Variants in WDR37 observed in about 807,000 individuals in gnomAD.
The protein encoded by WDR37 is WD repeat domain 37.
Under a neutral mutation model 62.9 loss-of-function variants are expected in WDR37, and 19 were observed. The ratio of observed to expected loss-of-function variants is 0.30; its 90% CI spans 0.21 to 0.44. WDR37 has a LOEUF of 0.44. WDR37 is among the 20% of genes least tolerant of loss of function. The pLI, the probability that WDR37 is intolerant of heterozygous loss-of-function variation, is 1.00. For synonymous variants in WDR37, 250 were observed against 260.9 expected, an observed-to-expected ratio of 0.96 and a Z score of 0.40; for missense variants, 474 against 657.6, an observed-to-expected ratio of 0.72 and a Z score of 3.05.
intron 13 of WDR37, among the ~76,000 whole-genome samples, chr10:1,125,407 G>A (rs1564514259): frequency 6.6e-6 from 1 of 152,074 alleles, no homozygotes; most frequent in African/African-American, 2.4e-5. Context: ...TAGTCAGGCT[G>A]GTTAGTTAGT....
chr10:1,062,424 T>C (rs1833403222), intron 1 of WDR37, among the ~76,000 whole-genome samples: 1 of 152,214 alleles, frequency 6.6e-6, no homozygotes, highest in Non-Finnish European at 1.5e-5. Flanking sequence ...TTGTAGAATG[T>C]CTGGAATGCA....
At position 1,096,204 on chromosome 10, in the gene WDR37, C is replaced by G; in HGVS notation, c.684C>G (p.Tyr228Ter). 6.2e-7 allele frequency: 1 copy of G among 1,614,148 alleles called. No homozygotes were observed. ...ATCAGACTGCTCATATCTGGAGATACGCGGTGCAGCTGCCGACACCCCAGC... is the reference window on the plus strand; with the variant it reads ...ATCAGACTGCTCATATCTGGAGATAGGCGGTGCAGCTGCCGACACCCCAGC... ...SGDQTAHIWRYAVQLPTPQPV... is the reference protein window; with the variant it reads ...SGDQTAHIWR The change falls in exon 9 of 14, where the codon TAC (tyrosine) becomes TAG (stop). Residue 228 changes from tyrosine to a stop codon, truncating the protein, a stop_gained. Coordinates refer to ENST00000263150, the MANE Select transcript of WDR37 (RefSeq NM_014023.4). LOFTEE classifies it high-confidence loss of function.
At position 1,105,233 on chromosome 10, in the gene WDR37, A is replaced by T; in HGVS notation, c.1069A>T (p.Ile357Phe). Residue 357 changes from isoleucine (I) to phenylalanine (F), a missense_variant, in exon 11 of 14, where the codon ATC becomes TTC. By Grantham distance (21) the Ile-to-Phe change is conservative. Coordinates refer to ENST00000263150, the MANE Select transcript of WDR37 (RefSeq NM_014023.4). The surrounding 1 kb of genome is among the most constrained non-coding windows in gnomAD (Gnocchi z 5.3). The part of the protein sequence containing the change: ...FRLWDFRDPS[I>F]HSVNVFQGHT... ...CCTCTGGGATTTCAGGGACCCCTCCATCCACTCGGTGAATGTTTTCCAGGG... is the reference window on the plus strand; with the variant it reads ...CCTCTGGGATTTCAGGGACCCCTCCTTCCACTCGGTGAATGTTTTCCAGGG... 6.2e-7 allele frequency: 1 copy of T among 1,614,086 alleles called. No individual in the cohort carries two copies. Among genetic ancestry groups the T allele is most frequent in the Non-Finnish European group, 8.5e-7 (1 of 1,180,004 alleles).
At chr10:1,077,187 A>C (rs912070850) in intron 2 of WDR37, among the ~76,000 whole-genome samples, 1 of 152,114 alleles carries the variant, frequency 6.6e-6, no homozygotes, top group African/African-American at 2.4e-5. Flanking sequence ...GGTGGGTCCA[A>C]GCAGTGAGTG....
At chr10:1,061,413 C>T (rs1833369986) in intron 1 of WDR37, among the ~76,000 whole-genome samples, 1 of 152,266 alleles carries the variant, frequency 6.6e-6, no homozygotes, top group Admixed American at 6.5e-5. Flanking sequence ...GTTGAGCATC[C>T]TAATCCAAAA....
At position 1,056,675 on chromosome 10, in the gene WDR37, C is replaced by G. The variant is rs767060709; in HGVS notation, c.-334C>G. On this transcript the variant is annotated 5_prime_UTR_variant, in exon 1 of 14. Transcript: ENST00000263150. Reference sequence around the variant, plus strand: ...CAGCCGAAGGGGTCTTCAGCGCGCCCAGACCCCTCGGGGCTGCGGGGCGGA... The same window carrying G: ...CAGCCGAAGGGGTCTTCAGCGCGCCGAGACCCCTCGGGGCTGCGGGGCGGA... 6.6e-6 allele frequency: 1 copy of G among 152,280 alleles called. No individual in the cohort carries two copies. The highest frequency in any genetic ancestry group is 1.5e-5 in the Non-Finnish European group (1 of 68,070). 9.4% of individuals were successfully genotyped at this position (152,280 alleles called of 1,614,324 possible).
At chr10:1,097,545 A>G (rs1834630957) in intron 9 of WDR37, among the ~76,000 whole-genome samples, 1 of 152,214 alleles carries the variant, frequency 6.6e-6, no homozygotes, top group South Asian at 2.1e-4. Context: ...CAGTCCCAGG[A>G]CAAGAGCCTG....
intron 1 of WDR37, among the ~76,000 whole-genome samples, chr10:1,067,294 G>A (rs1485955456): frequency 1.3e-5 from 2 of 152,164 alleles, no homozygotes; most frequent in South Asian, 2.1e-4. Flanking sequence ...AAAAAGGTCA[G>A]TACCATATAG....
intron 11 of WDR37, among the ~76,000 whole-genome samples, chr10:1,110,788 C>T (rs1458844895): frequency 3.3e-5 from 5 of 152,214 alleles, no homozygotes; most frequent in Non-Finnish European, 5.9e-5. Context: ...CACGGCATCG[C>T]CAAGGACATC....
chr10:1,084,254 C>T (rs912292012), intron 5 of WDR37, 149 bp from the exon 6 acceptor site: 7 of 1,064,460 alleles, frequency 6.6e-6, no homozygotes, highest in Admixed American at 2.7e-5. Context: ...GGCGTTTCAG[C>T]TCACACTTGC....
chr10:1,101,967 A>G (rs1396667373), intron 9 of WDR37, among the ~76,000 whole-genome samples: 1 of 150,714 alleles, frequency 6.6e-6, no homozygotes, highest in African/African-American at 2.5e-5. Context: ...CTCTGCATCC[A>G]TGTGATATGT....
rs530760206 is a variant in WDR37 at position 1,121,314 on chromosome 10, C to A, written c.1104-2904C>A. Among the ~76,000 whole-genome samples, 14 of 152,194 alleles carry A rather than the reference C, an allele frequency of 9.2e-5. No homozygotes were observed. Among genetic ancestry groups the A allele is most frequent in the Non-Finnish European group, 1.9e-4 (13 of 68,034 alleles). On this transcript the variant is annotated intron_variant, in intron 11 of 13. Coordinates refer to ENST00000263150, the MANE Select transcript of WDR37 (RefSeq NM_014023.4). The surrounding 1 kb of genome is among the most constrained non-coding windows in gnomAD (Gnocchi z 4.5). ...CTGAAACTTAACTTGGCCAAACCTC[C>A]TGAAGACTCCAGTTCAAAGAGAAGT... is the stretch of plus-strand genomic sequence containing the variant.
chr10:1,060,961 C>A (rs1044015506), intron 1 of WDR37, among the ~76,000 whole-genome samples: 1 of 152,158 alleles, frequency 6.6e-6, no homozygotes. Flanking sequence ...GGCTGTGCAC[C>A]TAGCTTTGTG....
rs1339828728 is a variant in WDR37, at chr10:1,105,861, C to T, written c.1103+594C>T. On this transcript the variant is annotated intron_variant, in intron 11 of 13. Transcript: ENST00000263150. This position sits in a 1 kb window ranked among gnomAD's most constrained non-coding sequence, Gnocchi z 5.3. The stretch of plus-strand genomic sequence containing the variant: ...AGTGCAGTGGCGCTATCTCGGCTCA[C>T]TGCAAGCTCCGCCTCCCGGGTTCAC... Among the ~76,000 whole-genome samples the T allele has an allele frequency of 6.6e-6, 1 of 152,128 alleles. No homozygotes were observed. Among genetic ancestry groups the T allele is most frequent in the East Asian group, 1.9e-4 (1 of 5,182 alleles).
Position 1,079,997 on chromosome 10 carries a change from T to A in WDR37, c.236-14T>A. On this transcript the variant is annotated splice_polypyrimidine_tract_variant and intron_variant, in intron 3 of 13. Coordinates refer to ENST00000263150, the MANE Select transcript of WDR37 (RefSeq NM_014023.4). ...AAACATACTTTAGATTTTTGAAAAC[T>A]TTTTTCTTCCCAGTACGTAGAGAAA... The A allele has an allele frequency of 6.2e-7, 1 of 1,612,406 alleles. No homozygotes were observed. The highest frequency in any genetic ancestry group is 8.5e-7 in the Non-Finnish European group (1 of 1,179,232).
At chr10:1,088,342 C>T (rs371258359) in intron 7 of WDR37, among the ~76,000 whole-genome samples, 34 of 152,206 alleles carry the variant, frequency 2.2e-4, no homozygotes, top group African/African-American at 4.8e-4. Flanking sequence ...TTTTGACTTG[C>T]CTTCCTCACT....
intron 1 of WDR37, among the ~76,000 whole-genome samples, chr10:1,061,667 C>G (rs1481214658): frequency 6.6e-6 from 1 of 152,038 alleles, no homozygotes; most frequent in African/African-American, 2.4e-5. Context: ...GGTGAAACCC[C>G]GTCTCTCTTA....
Position 1,129,684 on chromosome 10 carries a change from A to C in WDR37, c.*340A>C. Reference sequence around the variant, plus strand: ...GTGTGAATTAAATGTGAACTTCTGTATTACGTTGCGGCGTCGGCAGTCCTG... The same window carrying C: ...GTGTGAATTAAATGTGAACTTCTGTCTTACGTTGCGGCGTCGGCAGTCCTG... On this transcript the variant is annotated 3_prime_UTR_variant, in exon 14 of 14. Coordinates refer to ENST00000263150, the MANE Select transcript of WDR37 (RefSeq NM_014023.4). The C allele has an allele frequency of 5.3e-6, 1 of 188,294 alleles. No individual in the cohort carries two copies. Among genetic ancestry groups the C allele is most frequent in the Non-Finnish European group, 1.1e-5 (1 of 90,016 alleles). The allele number at this position is 188,294 out of a possible 1,614,324, so 11.7% of individuals were successfully genotyped here. A position where few individuals can be genotyped will look rare whatever the true frequency, so the allele number is the denominator to read the frequency against.
chr10:1,078,923 T>C (rs1833950399), intron 3 of WDR37, among the ~76,000 whole-genome samples: 1 of 152,260 alleles, frequency 6.6e-6, no homozygotes, highest in Admixed American at 6.5e-5. Flanking sequence ...ATTGTTAAGC[T>C]GTTTTTCACT....
Sources: gnomAD v4.1 joint callset for allele counts (sites outside exome capture counted in the v4.1 genomes callset) on GRCh38, gnomAD v4.1.1 for gene constraint, Gnocchi (gnomAD v3.1) non-coding constraint, MANE v1.5 for transcripts, NCBI Gene and HGNC (gene_info 2026-07-23, HGNC 2026-07-21) for gene names.